Variants in THSD4 observed in about 807,000 individuals in gnomAD.
THSD4 encodes thrombospondin type-1 domain-containing protein 4.
THSD4 carries 69 observed loss-of-function variants against 119.0 expected under a neutral mutation model. That is an observed-to-expected ratio of 0.58 (90% confidence interval 0.48 to 0.71). THSD4 has a LOEUF of 0.71. Among genes scored for constraint, THSD4 ranks in the 30% least tolerant of loss-of-function variants. The pLI is 0.00. For synonymous variants in THSD4, 524 were observed against 540.4 expected (o/e 0.97, Z 0.42); for missense variants, 1,393 against 1,391.1 (o/e 1.00, Z -0.02).
chr15:71,683,323 G>C (rs553456335), intron 8 of THSD4, among the ~76,000 whole-genome samples: 5 of 152,148 alleles, frequency 3.3e-5, no homozygotes, highest in African/African-American at 1.2e-4. Flanking sequence ...TCCTATGGGT[G>C]TTTGCACGCA....
chr15:71,382,006 G>T (rs1157773011), intron 6 of THSD4, among the ~76,000 whole-genome samples: 1 of 152,056 alleles, frequency 6.6e-6, no homozygotes, highest in African/African-American at 2.4e-5. Flanking sequence ...AATTAATTTA[G>T]ATTTGATTTG....
chr15:71,490,558 T>TC (rs2047901464), intron 7 of THSD4, among the ~76,000 whole-genome samples: 1 of 14,370 alleles, frequency 7.0e-5, no homozygotes, highest in Non-Finnish European at 1.5e-4. Flanking sequence ...AGACTCCGTC[T>TC]CAAAAAAAAA....
chr15:71,399,461 C>T (rs952193215), intron 6 of THSD4, among the ~76,000 whole-genome samples: 1 of 152,174 alleles, frequency 6.6e-6, no homozygotes, highest in African/African-American at 2.4e-5. Flanking sequence ...CCATACCTGA[C>T]AGATCAAAAG....
chr15:71,360,304 G>A (rs2045876151), intron 6 of THSD4, among the ~76,000 whole-genome samples: 1 of 152,122 alleles, frequency 6.6e-6, no homozygotes, highest in Non-Finnish European at 1.5e-5. Flanking sequence ...AAGCTGCAGG[G>A]TTTCTTATGA....
At chr15:71,359,401 C>A (rs74021964) in intron 6 of THSD4, among the ~76,000 whole-genome samples, 371 of 152,320 alleles carry the variant, frequency 2.4e-3, no homozygotes, top group African/African-American at 8.8e-3. Context: ...TTCACAGTAA[C>A]CCTGGTAGGT....
rs4777456 is a variant in THSD4 at position 71,777,728 on chromosome 15, A to G, written c.*354A>G. Reference sequence around the variant, plus strand: ...TCAGCAGATGGGCCACTGACTGAGCACTGCCCCGTCCCTGGTGCTACTGGT... The same window carrying G: ...TCAGCAGATGGGCCACTGACTGAGCGCTGCCCCGTCCCTGGTGCTACTGGT... On this transcript the variant is annotated 3_prime_UTR_variant, in exon 18 of 18. Coordinates refer to ENST00000261862, the MANE Select transcript of THSD4 (RefSeq NM_024817.3). 147,470 of 283,210 alleles carry G rather than the reference A, an allele frequency of 0.52. 41,786 individuals are homozygous for G. Among genetic ancestry groups the G allele is most frequent in the Middle Eastern group, 0.62 (508 of 822 alleles). The allele number at this position is 283,210 out of a possible 1,614,324, so 17.5% of individuals were successfully genotyped here. A position where few individuals can be genotyped will look rare whatever the true frequency, so the allele number is the denominator to read the frequency against.
intron 8 of THSD4, among the ~76,000 whole-genome samples, chr15:71,699,071 A>C (rs937534552): frequency 2.6e-5 from 4 of 152,216 alleles, no homozygotes; most frequent in Non-Finnish European, 5.9e-5. Context: ...CCTTATTTTT[A>C]AGTATTCTTA....
At chr15:71,414,336 G>A (rs1468828916) in intron 7 of THSD4, among the ~76,000 whole-genome samples, 2 of 152,114 alleles carry the variant, frequency 1.3e-5, no homozygotes, top group Admixed American at 6.5e-5. Flanking sequence ...TTTTTTTGTC[G>A]ATTATAGATT....
At chr15:71,150,651 C>T (rs145617957) in intron 2 of THSD4, among the ~76,000 whole-genome samples, 1 of 152,280 alleles carries the variant, frequency 6.6e-6, no homozygotes, top group Admixed American at 6.5e-5. Flanking sequence ...TTGTGTTGCA[C>T]TTTTGTAACA....
intron 7 of THSD4, among the ~76,000 whole-genome samples, chr15:71,486,350 T>C (rs2047816637): frequency 6.6e-6 from 1 of 152,204 alleles, no homozygotes; most frequent in South Asian, 2.1e-4. Flanking sequence ...AAGTGAAATT[T>C]TCCGAGGCCC....
chr15:71,392,765 G>A (rs921879202), intron 6 of THSD4, among the ~76,000 whole-genome samples: 2 of 152,134 alleles, frequency 1.3e-5, no homozygotes, highest in Admixed American at 6.5e-5. Flanking sequence ...ATTGTCCCAC[G>A]GTCAAGAAGC....
At chr15:71,510,840 T>G (rs1394863312) in intron 7 of THSD4, among the ~76,000 whole-genome samples, 1 of 151,932 alleles carries the variant, frequency 6.6e-6, no homozygotes, top group African/African-American at 2.4e-5. Flanking sequence ...ATCAAAGAAG[T>G]AGAATCATTC....
At chr15:71,299,975 AAATATATAT>A (rs1465923890) in intron 6 of THSD4, among the ~76,000 whole-genome samples, 14 of 22,980 alleles carry the variant, frequency 6.1e-4, no homozygotes, top group South Asian at 3.6e-3. Context: ...AAAAAAAAAA[AAATATATAT>A]ATATATATAT....
chr15:71,667,037 A>T (rs1272533121), intron 8 of THSD4, among the ~76,000 whole-genome samples: 1 of 152,232 alleles, frequency 6.6e-6, no homozygotes, highest in Non-Finnish European at 1.5e-5. Flanking sequence ...TAAGATGTTT[A>T]TTCATCTCAT....
chr15:71,464,649 T>A (rs1483190179), intron 7 of THSD4, among the ~76,000 whole-genome samples: 1 of 152,212 alleles, frequency 6.6e-6, no homozygotes, highest in Non-Finnish European at 1.5e-5. Flanking sequence ...GTATCATCTT[T>A]CTCACTCATC....
At chr15:71,473,644 T>C (rs1046007981) in intron 7 of THSD4, among the ~76,000 whole-genome samples, 2 of 152,116 alleles carry the variant, frequency 1.3e-5, no homozygotes, top group Admixed American at 1.3e-4. Context: ...CAGGGAACAT[T>C]CCCTTCCCAT....
chr15:71,124,808 C>T (rs1371196201), intron 1 of THSD4, among the ~76,000 whole-genome samples: 3 of 152,066 alleles, frequency 2.0e-5, no homozygotes, highest in African/African-American at 2.4e-5. Context: ...TTTGGGAGGC[C>T]GGGATGAGAA....
chr15:71,696,628 C>T (rs976528908), intron 8 of THSD4, among the ~76,000 whole-genome samples: 7 of 152,102 alleles, frequency 4.6e-5, no homozygotes, highest in African/African-American at 1.7e-4. Context: ...CCCAATATTT[C>T]CTCCCCAAAT....
intron 7 of THSD4, among the ~76,000 whole-genome samples, chr15:71,515,137 A>C (rs1405624134): frequency 6.6e-6 from 1 of 152,220 alleles, no homozygotes; most frequent in African/African-American, 2.4e-5. Context: ...TTAGCAATTT[A>C]CATTCTCACC....
Sources: allele counts gnomAD v4.1 joint callset (sites outside exome capture counted in the v4.1 genomes callset), GRCh38; gene constraint gnomAD v4.1.1; transcripts MANE v1.5; gene names NCBI Gene and HGNC (gene_info 2026-07-23, HGNC 2026-07-21).